GRM5: variants seen among roughly 807,000 people sequenced by gnomAD.
The protein encoded by GRM5 is metabotropic glutamate receptor 5.
Under a neutral mutation model 83.1 loss-of-function variants are expected in GRM5, and 19 were observed. The ratio of observed to expected loss-of-function variants is 0.23; its 90% CI spans 0.16 to 0.34. The LOEUF is 0.34. GRM5 is among the 10% of genes least tolerant of loss of function. The pLI is 1.00. For synonymous variants in GRM5, 675 were observed against 633.6 expected, an observed-to-expected ratio of 1.07 and a Z score of -0.98; for missense variants, 1,160 against 1,588.3, an observed-to-expected ratio of 0.73 and a Z score of 4.58.
chr11:88,511,237 C>G (rs1393319362), intron 9 of GRM5, among the ~76,000 whole-genome samples: 1 of 152,180 alleles, frequency 6.6e-6, no homozygotes, highest in Non-Finnish European at 1.5e-5. Flanking sequence ...CATCACTCCC[C>G]TTGGGCCCCC....
chr11:88,986,896 C>A (rs1337486951), intron 2 of GRM5, among the ~76,000 whole-genome samples: 2 of 151,816 alleles, frequency 1.3e-5, no homozygotes, highest in African/African-American at 2.4e-5. Context: ...GTATGTAAGA[C>A]AAGAGTCCAG....
chr11:88,850,754 A>G (rs1048039532), intron 2 of GRM5, among the ~76,000 whole-genome samples: 1 of 151,998 alleles, frequency 6.6e-6, no homozygotes, highest in Non-Finnish European at 1.5e-5. Context: ...GTGTAAACTT[A>G]TGAAAAACAT....
At position 88,729,032 on chromosome 11, in the gene GRM5, G is replaced by T. The variant is rs144264102; in HGVS notation, c.912-75629C>A. On this transcript the variant is annotated intron_variant, in intron 3 of 9. Transcript: ENST00000305447. The stretch of plus-strand genomic sequence containing the variant: ...TGGAAGTTCTGGCTAGGGCAATCAG[G>T]CAAGAGAAAGAAATAAAAGGTATTC... Among the ~76,000 whole-genome samples, 660 of 152,198 alleles carry T rather than the reference G, an allele frequency of 4.3e-3. 2 individuals carry two copies. Among genetic ancestry groups the T allele is most frequent in the African/African-American group, 0.015 (637 of 41,532 alleles).
chr11:88,708,867 G>A (rs11021022), intron 3 of GRM5, among the ~76,000 whole-genome samples: 151,980 of 152,164 alleles, frequency 1, 75,899 homozygotes, highest in Middle Eastern at 1. Context: ...AAAATTCCTA[G>A]GAGCCTAATA....
At chr11:88,883,266 C>T (rs1204684030) in intron 2 of GRM5, among the ~76,000 whole-genome samples, 1 of 152,156 alleles carries the variant, frequency 6.6e-6, no homozygotes, top group East Asian at 1.9e-4. Context: ...AAGTTTGGAA[C>T]TTCCTAAAGA....
intron 2 of GRM5, among the ~76,000 whole-genome samples, chr11:88,950,526 A>C (rs1565306294): frequency 6.6e-6 from 1 of 152,178 alleles, no homozygotes; most frequent in Admixed American, 6.5e-5. Flanking sequence ...ATAAAAAAAA[A>C]CAGAACTAGA....
At chr11:88,687,552 A>ATTATATATATAT (rs1345045251) in intron 3 of GRM5, among the ~76,000 whole-genome samples, 4 of 7,198 alleles carry the variant, frequency 5.6e-4, no homozygotes, top group African/African-American at 8.9e-4. Context: ...ACACACACAC[A>ATTATATATATAT]CATATATATT....
chr11:88,599,919 A>C lies in GRM5; in HGVS notation c.1395-2567T>G, dbSNP rs183960060. 1.3e-3 allele frequency among the ~76,000 whole-genome samples: 194 copies of C among 152,250 alleles called. 1 individual carries two copies. Among genetic ancestry groups the C allele is most frequent in the African/African-American group, 4.4e-3 (181 of 41,552 alleles). Reference sequence around the variant, plus strand: ...TCCCAGCTACTTGGGAGGCTGAGGCAGGAGAATGGCGTGAACCCGGGAGAC... The same window carrying C: ...TCCCAGCTACTTGGGAGGCTGAGGCCGGAGAATGGCGTGAACCCGGGAGAC... On this transcript the variant is annotated intron_variant, in intron 5 of 9. Transcript: ENST00000305447.
intron 2 of GRM5, among the ~76,000 whole-genome samples, chr11:88,961,032 G>A (rs1938767172): frequency 6.6e-6 from 1 of 152,130 alleles, no homozygotes; most frequent in African/African-American, 2.4e-5. Flanking sequence ...CAATCCAATG[G>A]TGTTCAACTT....
At chr11:88,979,346 T>C (rs983308586) in intron 2 of GRM5, among the ~76,000 whole-genome samples, 16 of 152,228 alleles carry the variant, frequency 1.1e-4, no homozygotes, top group African/African-American at 3.9e-4. Context: ...AATGATTTTT[T>C]GAAACACTGG....
At chr11:89,064,499 T>C (rs1273749064) in intron 1 of GRM5, among the ~76,000 whole-genome samples, 5 of 151,840 alleles carry the variant, frequency 3.3e-5, no homozygotes, top group African/African-American at 1.2e-4. Flanking sequence ...CAACTGCCTT[T>C]AGTACTTTGA....
intron 2 of GRM5, among the ~76,000 whole-genome samples, chr11:88,914,717 C>G (rs567154716): frequency 1.3e-5 from 2 of 152,116 alleles, no homozygotes; most frequent in Non-Finnish European, 2.9e-5. Context: ...TTGTGAATAA[C>G]TGCATAGTGA....
chr11:88,738,754 A>G (rs978405582), intron 3 of GRM5, among the ~76,000 whole-genome samples: 2 of 152,096 alleles, frequency 1.3e-5, no homozygotes, highest in African/African-American at 4.8e-5. Flanking sequence ...CTTACGGACT[A>G]CTGAATGAAA....
intron 3 of GRM5, among the ~76,000 whole-genome samples, chr11:88,806,320 C>A (rs943415545): frequency 6.6e-6 from 1 of 152,136 alleles, no homozygotes; most frequent in Non-Finnish European, 1.5e-5. Context: ...TCCAGGAATT[C>A]TCAATCATTT....
intron 7 of GRM5, among the ~76,000 whole-genome samples, chr11:88,571,538 T>C (rs541888383): frequency 1.3e-5 from 2 of 152,252 alleles, no homozygotes; most frequent in Admixed American, 1.3e-4. Flanking sequence ...CGTATCACAA[T>C]CACTTGGGAA....
At chr11:88,943,802 A>G (rs947764424) in intron 2 of GRM5, among the ~76,000 whole-genome samples, 1 of 151,578 alleles carries the variant, frequency 6.6e-6, no homozygotes, top group Non-Finnish European at 1.5e-5. Context: ...CTAATAAACT[A>G]CAGTATGCAA....
At chr11:88,886,225 C>T (rs1266608547) in intron 2 of GRM5, among the ~76,000 whole-genome samples, 2 of 152,310 alleles carry the variant, frequency 1.3e-5, no homozygotes, top group African/African-American at 2.4e-5. Context: ...GTAAACTTCT[C>T]ATATGTGTCT....
rs181999987 is a variant in GRM5 at position 88,562,057 on chromosome 11, G to A, written c.2630+4996C>T. Among the ~76,000 whole-genome samples, 194 of 152,168 alleles carry A rather than the reference G, an allele frequency of 1.3e-3. 1 individual carries two copies. The highest frequency in any genetic ancestry group is 4.5e-3 in the African/African-American group (185 of 41,538). ...TGTCTTCTCTTGGGTCTATGATGAT[G>A]TTTTCCAAAGTAAGTTCTTTGGAGC... On this transcript the variant is annotated intron_variant, in intron 8 of 9. Coordinates refer to ENST00000305447, the MANE Select transcript of GRM5 (RefSeq NM_001143831.3).
intron 2 of GRM5, among the ~76,000 whole-genome samples, chr11:88,927,241 G>A: frequency 8.9e-6 from 1 of 111,994 alleles, no homozygotes. Flanking sequence ...ATTCTTCTAG[G>A]GCTATTTACA....
Sources: allele counts gnomAD v4.1 joint callset (sites outside exome capture counted in the v4.1 genomes callset), GRCh38; gene constraint gnomAD v4.1.1; transcripts MANE v1.5; gene names NCBI Gene and HGNC (gene_info 2026-07-23, HGNC 2026-07-21).